The following PGAP6 variants were observed in gnomAD, a reference collection of about 807,000 sequenced individuals.
The protein encoded by PGAP6 is post-GPI attachment to proteins factor 6.
A neutral mutation model predicts 68.4 loss-of-function variants in PGAP6; 62 were observed. The ratio of observed to expected loss-of-function variants is 0.91; its 90% CI spans 0.74 to 1.12. The LOEUF (loss-of-function observed/expected upper bound fraction) is 1.12, where lower values mean the gene tolerates loss of function less well. Among genes scored for constraint, PGAP6 ranks in the 50% most tolerant of loss-of-function variants. The probability of loss-of-function intolerance (pLI) is 0.00; values close to 1 mark genes in which losing one functional copy is unlikely to be tolerated. For missense variants in PGAP6, 1,188 were observed against 1,068.5 expected (o/e 1.11, Z -1.56); for synonymous variants, 575 against 474.0 (o/e 1.21, Z -2.77).
rs1272111131 is a variant in PGAP6, at chr16:374,309, A to G, written c.1667T>C (p.Leu556Pro). Reference sequence around the variant, plus strand: ...GACGGCGATGGGGGCCAGGAACATGAGGTTGCTGAGCGTGAGCAGCAGTGT... The same window carrying G: ...GACGGCGATGGGGGCCAGGAACATGGGGTTGCTGAGCGTGAGCAGCAGTGT... The part of the protein sequence containing the change: ...AATLLLTLSN[L>P]MFLAPIAVSV... Residue 556 changes from leucine to proline, a missense_variant, in exon 10 of 13, where the codon CTC becomes CCC. By Grantham distance (98) the Leu-to-Pro change is moderately conservative (BLOSUM62 -3). Transcript: ENST00000431232. 65 of 1,605,876 alleles carry G rather than the reference A, an allele frequency of 4.0e-5. No homozygotes were observed. Among genetic ancestry groups the G allele is most frequent in the Non-Finnish European group, 5.3e-5 (63 of 1,179,756 alleles).
chr16:384,023 G>A (rs79380971), upstream of PGAP6, among the ~76,000 whole-genome samples: 5,911 of 152,262 alleles, frequency 0.039, 332 homozygotes, highest in African/African-American at 0.12. Flanking sequence ...GGGGAAAGGG[G>A]GGCTCCCAGG....
chr16:385,375 C>CTG (rs2054474748), upstream of PGAP6, among the ~76,000 whole-genome samples: 2 of 133,060 alleles, frequency 1.5e-5, no homozygotes, highest in African/African-American at 6.0e-5. Flanking sequence ...TGCAGTGATG[C>CTG]GATCTCGGCT....
In PGAP6 at chr16:377,063, G is replaced by T. The variant is rs369419368; in HGVS notation, c.609C>A (p.Thr203=). 2 of 1,613,332 alleles carry T rather than the reference G, an allele frequency of 1.2e-6. No homozygotes were observed. Among genetic ancestry groups the T allele is most frequent in the Non-Finnish European group, 1.7e-6 (2 of 1,179,968 alleles). ...TGAGGTAGCTGGGATGGGAGAGGAG[G>T]GTCTGAGGAAGGGGCACGTCCGGCT... The part of the protein sequence containing the change: ...IMEPDVPLPQ[T]LLSHPSYLKV... The change falls in exon 4 of 13, where the codon ACC becomes ACA. Residue 203 remains threonine (T), a synonymous_variant. Transcript: ENST00000431232.
chr16:376,056 G>A (rs1484061429), intron 6 of PGAP6, 80 bp downstream of exon 6: 8 of 1,403,154 alleles, frequency 5.7e-6, no homozygotes, highest in South Asian at 2.7e-5. Context: ...CCCGTGCCAA[G>A]GTAAATGAGG....
Position 372,669 on chromosome 16 carries a change from C to T in PGAP6, c.1961G>A (p.Gly654Asp). 6.2e-7 allele frequency: 1 copy of T among 1,612,498 alleles called. No individual in the cohort carries two copies. The highest frequency in any genetic ancestry group is 1.3e-5 in the African/African-American group (1 of 75,038). Reference sequence around the variant, plus strand: ...GCAGGGCCCCAGCATGTTCCACATGCCCCTGCGGTCCAGCTGCAAGGACAT... The same window carrying T: ...GCAGGGCCCCAGCATGTTCCACATGTCCCTGCGGTCCAGCTGCAAGGACAT... ...IAMSLQLDRR[G>D]MWNMLGPCLF... Residue 654 changes from glycine (G) to aspartate (D), a missense_variant, in exon 12 of 13, where the codon GGC becomes GAC. By Grantham distance (94) the Gly-to-Asp change is moderately conservative. Coordinates refer to ENST00000431232, the MANE Select transcript of PGAP6 (RefSeq NM_021259.3).
upstream of PGAP6, chr16:382,349 C>G: frequency 2.6e-6 from 1 of 385,746 alleles, no homozygotes; most frequent in Non-Finnish European, 4.6e-6. Context: ...GGGGCAGAGG[C>G]GCCGACCTCC....
In PGAP6 at chr16:373,041, G is replaced by A. The variant is rs2054349105; in HGVS notation, c.1903-314C>T. Among the ~76,000 whole-genome samples, 2 of 152,180 alleles carry A rather than the reference G, an allele frequency of 1.3e-5. 1 individual carries two copies. The highest frequency in any genetic ancestry group is 4.1e-4 in the South Asian group (2 of 4,832). On this transcript the variant is annotated intron_variant, in intron 11 of 12. Coordinates refer to ENST00000431232, the MANE Select transcript of PGAP6 (RefSeq NM_021259.3). ...ACACTCACTAGCCCCCTGTACCACT[G>A]GGTTTCTAGAAGTCCCCCATCAGGG...
intron 8 of PGAP6, 48 bp downstream of exon 8, chr16:375,085 T>A (rs1004739148): frequency 6.2e-6 from 10 of 1,604,196 alleles, no homozygotes; most frequent in Non-Finnish European, 8.5e-6. Context: ...TGGTCCTGAG[T>A]GAAATGACAG....
intron 1 of PGAP6, among the ~76,000 whole-genome samples, chr16:378,253 C>CCCACCCGCACTGCCATCG: frequency 4.1e-5 from 1 of 24,666 alleles, no homozygotes; most frequent in Admixed American, 4.1e-4. Flanking sequence ...CACTGCCATC[C>CCCACCCGCACTGCCATCG]CCACCCGCAC....
In PGAP6 at chr16:381,911, TGCCGCCTCC is replaced by T; in HGVS notation, c.-99_-91del. ...GGGCAGCCTCTGCCGCCTCCGCCTC[TGCCGCCTCC>T]GCCTCTGCCCCCGGCGCCCATGGCC... is the stretch of plus-strand genomic sequence containing the variant. On this transcript the variant is annotated 5_prime_UTR_variant, in exon 1 of 13. Transcript: ENST00000431232. 3.1e-6 allele frequency: 3 copies of T among 965,516 alleles called. No individual in the cohort carries two copies. The highest frequency in any genetic ancestry group is 3.7e-6 in the Non-Finnish European group (3 of 815,258). 59.8% of individuals were successfully genotyped at this position (965,516 alleles called of 1,614,324 possible). A position where few individuals can be genotyped will look rare whatever the true frequency, so the allele number is the denominator to read the frequency against.
upstream of PGAP6, among the ~76,000 whole-genome samples, chr16:385,745 C>A (rs1367873822): frequency 3.3e-5 from 5 of 151,260 alleles, no homozygotes; most frequent in South Asian, 8.4e-4. Flanking sequence ...CTGCCTCAGC[C>A]TCCCGAGTAG....
intron 1 of PGAP6, among the ~76,000 whole-genome samples, chr16:379,927 G>A (rs912024422): frequency 6.6e-6 from 1 of 152,226 alleles, no homozygotes; most frequent in African/African-American, 2.4e-5. Flanking sequence ...GCCCCTCCAC[G>A]GACACAGGGC....
Position 371,805 on chromosome 16 carries a change from G to A in PGAP6, c.*182C>T. 1.6e-6 allele frequency: 1 copy of A among 616,728 alleles called. No homozygotes were observed. Among genetic ancestry groups the A allele is most frequent in the Non-Finnish European group, 2.8e-6 (1 of 355,712 alleles). 38.2% of individuals were successfully genotyped at this position (616,728 alleles called of 1,614,324 possible). On this transcript the variant is annotated 3_prime_UTR_variant, in exon 13 of 13. Coordinates refer to ENST00000431232, the MANE Select transcript of PGAP6 (RefSeq NM_021259.3). Reference sequence around the variant, plus strand: ...GGATCTCAGCAGCGAGCAGGCAGCTGGCGAGGAGAGGTGCGTGTGAGGGAG... The same window carrying A: ...GGATCTCAGCAGCGAGCAGGCAGCTAGCGAGGAGAGGTGCGTGTGAGGGAG...
intron 11 of PGAP6, 128 bp from the exon 12 acceptor site, chr16:372,855 G>C (rs1304371420): frequency 1.5e-6 from 1 of 649,220 alleles, no homozygotes; most frequent in East Asian, 2.8e-5. Context: ...CCTCAGACCA[G>C]CTCTGCCAGC....
chr16:386,888 G>A (rs1168961767), upstream of PGAP6: 2 of 632,044 alleles, frequency 3.2e-6, no homozygotes, highest in Middle Eastern at 2.7e-4. Flanking sequence ...AGACCCGCAC[G>A]TCACTCACCT....
Position 373,989 on chromosome 16 carries a change from G to A in PGAP6, c.1902+16C>T, listed in dbSNP as rs767543578. 1.4e-5 allele frequency: 22 copies of A among 1,595,028 alleles called. No homozygotes were observed. Among genetic ancestry groups the A allele is most frequent in the African/African-American group, 1.1e-4 (8 of 74,588 alleles). On this transcript the variant is annotated intron_variant, in intron 11 of 12. Coordinates refer to ENST00000431232, the MANE Select transcript of PGAP6 (RefSeq NM_021259.3). ...TGCTCCCCCGGAGCCCACACCCCAC[G>A]TCGAGGGCCACTCACGTATTTCAGG...
upstream of PGAP6, among the ~76,000 whole-genome samples, chr16:385,615 C>G (rs1567328820): frequency 7.5e-6 from 1 of 132,938 alleles, no homozygotes; most frequent in Non-Finnish European, 1.5e-5. Context: ...CCGGCCTACT[C>G]TGATTTTTTT....
chr16:381,058 C>T (rs571330188), intron 1 of PGAP6, among the ~76,000 whole-genome samples: 1 of 152,374 alleles, frequency 6.6e-6, no homozygotes, highest in East Asian at 1.9e-4. Context: ...CTCCTTGGAC[C>T]TCAGTCAGGG....
At chr16:381,508 G>A (rs1369881946) in intron 1 of PGAP6, among the ~76,000 whole-genome samples, 193 bp downstream of exon 1, 2 of 152,244 alleles carry the variant, frequency 1.3e-5, no homozygotes, top group Admixed American at 6.5e-5. Flanking sequence ...GAGGAAGCGC[G>A]GGGTCCCGTC....
Sources: allele counts gnomAD v4.1 joint callset (sites outside exome capture counted in the v4.1 genomes callset), GRCh38; gene constraint gnomAD v4.1.1; transcripts MANE v1.5; gene names NCBI Gene and HGNC (gene_info 2026-07-23, HGNC 2026-07-21).